The following KIF16B variants were observed in gnomAD, a reference collection of about 807,000 sequenced individuals.
KIF16B encodes kinesin family member 16B.
Under a neutral mutation model 156.3 loss-of-function variants are expected in KIF16B, and 98 were observed. The observed-to-expected ratio is 0.63, with a 90% CI of 0.53 to 0.74. The LOEUF is 0.74. KIF16B is among the 30% of genes least tolerant of loss of function. KIF16B has a pLI of 0.00. For synonymous variants in KIF16B, 564 were observed against 583.7 expected (o/e 0.97, Z 0.49); for missense variants, 1,421 against 1,606.5 (o/e 0.88, Z 1.97).
At chr20:16,520,454 C>T (rs917550424) in intron 3 of KIF16B, among the ~76,000 whole-genome samples, 2 of 152,160 alleles carry the variant, frequency 1.3e-5, no homozygotes, top group African/African-American at 2.4e-5. Flanking sequence ...TTGGCAAAGC[C>T]GCTGTAGCCA....
intron 12 of KIF16B, among the ~76,000 whole-genome samples, chr20:16,451,275 G>A (rs957460584): frequency 4.6e-5 from 7 of 152,176 alleles, no homozygotes; most frequent in East Asian, 1.9e-4. Flanking sequence ...GCAAATGTAC[G>A]ATGCTGCTAG....
intron 21 of KIF16B, 116 bp from the exon 22 acceptor site, chr20:16,370,752 TCAAC>T: frequency 2.7e-6 from 2 of 746,634 alleles, no homozygotes; most frequent in Non-Finnish European, 4.2e-6. Context: ...TACTTGTCAT[TCAAC>T]AATGACAACC....
chr20:16,554,048 G>A (rs2070760275), intron 1 of KIF16B, among the ~76,000 whole-genome samples: 1 of 152,192 alleles, frequency 6.6e-6, no homozygotes, highest in South Asian at 2.1e-4. Flanking sequence ...CCCTTGGCAT[G>A]AACAGCCTGG....
chr20:16,530,947 C>T (rs1056474797), intron 1 of KIF16B, among the ~76,000 whole-genome samples: 38 of 152,218 alleles, frequency 2.5e-4, no homozygotes, highest in African/African-American at 8.9e-4. Context: ...GCAATCCACC[C>T]GCCTCGACCT....
chr20:16,411,952 G>A (rs1182106762), intron 15 of KIF16B, among the ~76,000 whole-genome samples: 1 of 151,364 alleles, frequency 6.6e-6, no homozygotes, highest in Non-Finnish European at 1.5e-5. Context: ...GTGTGTGTGT[G>A]TGTGTGTGTG....
In KIF16B at chr20:16,500,249, T is replaced by G. The variant is rs116348350; in HGVS notation, c.1177-2571A>C. Among the ~76,000 whole-genome samples the G allele has an allele frequency of 2.7e-3, 411 of 152,322 alleles. 2 individuals are homozygous for G. The highest frequency in any genetic ancestry group is 9.3e-3 in the African/African-American group (387 of 41,578). On this transcript the variant is annotated intron_variant, in intron 10 of 25. Coordinates refer to ENST00000354981, the MANE Select transcript of KIF16B (RefSeq NM_024704.5). ...TGCATTTATTGTATTTCAATGACAT[T>G]GAATATACTTTCACATGTACAGAAA... is the stretch of plus-strand genomic sequence containing the variant.
intron 17 of KIF16B, among the ~76,000 whole-genome samples, chr20:16,393,729 CAAGAA>C (rs1459314373): frequency 6.6e-6 from 1 of 152,128 alleles, no homozygotes; most frequent in African/African-American, 2.4e-5. Flanking sequence ...AAAGTGCTAA[CAAGAA>C]AAGATAGAGG....
At chr20:16,483,849 G>A (rs992670170) in intron 12 of KIF16B, among the ~76,000 whole-genome samples, 5 of 152,098 alleles carry the variant, frequency 3.3e-5, no homozygotes, top group Admixed American at 6.6e-5. Context: ...CTCACAAGAC[G>A]TAGAAATCCT....
At chr20:16,466,768 C>T (rs2067503952) in intron 12 of KIF16B, among the ~76,000 whole-genome samples, 2 of 151,198 alleles carry the variant, frequency 1.3e-5, no homozygotes, top group Admixed American at 1.3e-4. Context: ...GAGCAGAAAC[C>T]CACCAGCAGA....
chr20:16,426,355 A>C (rs868560555), intron 15 of KIF16B, among the ~76,000 whole-genome samples: 6 of 152,180 alleles, frequency 3.9e-5, no homozygotes, highest in South Asian at 2.1e-4. Flanking sequence ...TACTGTTTTC[A>C]AAACTGCCAA....
intron 17 of KIF16B, among the ~76,000 whole-genome samples, chr20:16,400,394 C>T (rs6043921): frequency 1.5e-3 from 225 of 152,322 alleles, no homozygotes; most frequent in African/African-American, 5.1e-3. Flanking sequence ...AACTGGAACC[C>T]TTGTGCCCTG....
intron 17 of KIF16B, among the ~76,000 whole-genome samples, chr20:16,392,070 C>A (rs533005336): frequency 6.6e-6 from 1 of 152,304 alleles, no homozygotes; most frequent in Admixed American, 6.5e-5. Context: ...CTCATGTTTA[C>A]AATAATTCAC....
chr20:16,525,515 C>A (rs1421220191), intron 3 of KIF16B, among the ~76,000 whole-genome samples: 1 of 152,138 alleles, frequency 6.6e-6, no homozygotes, highest in East Asian at 1.9e-4. Context: ...ACCTTTGTGT[C>A]TGTTATTATC....
intron 23 of KIF16B, among the ~76,000 whole-genome samples, chr20:16,348,668 G>A (rs185012984): frequency 6.6e-6 from 1 of 152,280 alleles, no homozygotes; most frequent in East Asian, 1.9e-4. Context: ...GTTAAATACA[G>A]CCAGTAAATA....
At chr20:16,364,898 T>C (rs1335376060) in intron 22 of KIF16B, among the ~76,000 whole-genome samples, 1 of 152,240 alleles carries the variant, frequency 6.6e-6, no homozygotes, top group Non-Finnish European at 1.5e-5. Context: ...ATGTTCCATC[T>C]CTGAGAAATC....
intron 12 of KIF16B, among the ~76,000 whole-genome samples, chr20:16,491,919 G>T (rs187351770): frequency 6.6e-6 from 1 of 152,326 alleles, no homozygotes; most frequent in Non-Finnish European, 1.5e-5. Context: ...GTATCCAAGA[G>T]CTTAGGATCT....
chr20:16,503,463 C>T (rs1225862594), intron 10 of KIF16B, among the ~76,000 whole-genome samples: 1 of 152,164 alleles, frequency 6.6e-6, no homozygotes, highest in African/African-American at 2.4e-5. Context: ...AGGTTTTCAT[C>T]CCATCAGTAT....
intron 12 of KIF16B, among the ~76,000 whole-genome samples, chr20:16,470,603 C>T (rs954614726): frequency 6.6e-6 from 1 of 152,082 alleles, no homozygotes; most frequent in Non-Finnish European, 1.5e-5. Flanking sequence ...CCTACCTCAG[C>T]CTCCTGAGCA....
At chr20:16,501,072 A>T (rs2057123) in intron 10 of KIF16B, among the ~76,000 whole-genome samples, 16,098 of 152,210 alleles carry the variant, frequency 0.11, 1,069 homozygotes, top group East Asian at 0.33. Flanking sequence ...AAAAAAGAAG[A>T]TATTCAAATA....
Sources: gnomAD v4.1 joint callset for allele counts (sites outside exome capture counted in the v4.1 genomes callset) on GRCh38, gnomAD v4.1.1 for gene constraint, MANE v1.5 for transcripts, NCBI Gene and HGNC (gene_info 2026-07-23, HGNC 2026-07-21) for gene names.